Variants in SNAI3 observed in about 807,000 individuals in gnomAD.
SNAI3 encodes the protein zinc finger protein SNAI3.
A neutral mutation model predicts 16.4 loss-of-function variants in SNAI3; 21 were observed. The observed-to-expected ratio is 1.28, with a 90% CI of 0.91 to 1.85. The LOEUF (loss-of-function observed/expected upper bound fraction) is 1.85. Ranked by LOEUF, SNAI3 falls within the 40% of genes most tolerant of loss-of-function variation. The pLI, the probability that SNAI3 is intolerant of heterozygous loss-of-function variation, is 0.00. For synonymous variants in SNAI3, 202 were observed against 166.6 expected (o/e 1.21, Z -1.64); for missense variants, 457 against 372.8 (o/e 1.23, Z -1.86).
chr16:88,684,197 TG>T (rs911992702), intron 1 of SNAI3, among the ~76,000 whole-genome samples: 1 of 152,218 alleles, frequency 6.6e-6, no homozygotes, highest in African/African-American at 2.4e-5. Flanking sequence ...GAGACAGCAC[TG>T]GGGGAGCCCC....
In SNAI3 at chr16:88,681,196, T is replaced by C. The variant is rs1429423570; in HGVS notation, c.595A>G (p.Lys199Glu). 1.2e-6 allele frequency: 2 copies of C among 1,613,688 alleles called. No individual in the cohort carries two copies. Among genetic ancestry groups the C allele is most frequent in the South Asian group, 1.1e-5 (1 of 91,078 alleles). The change falls in exon 2 of 3, where the codon AAG becomes GAG. Residue 199 changes from lysine (K) to glutamate (E), a missense_variant. Lys to Glu is a moderately conservative substitution (Grantham distance 56). Transcript: ENST00000332281. This position sits in a 1 kb window ranked among gnomAD's most constrained non-coding sequence, Gnocchi z 5.4. Reference protein sequence around the residue: ...DKEYTSLGALKMHIRTHTLPC... With the variant: ...DKEYTSLGALEMHIRTHTLPC... Reference sequence around the variant, plus strand: ...AGCGTGTGAGTGCGGATGTGCATCTTGAGGGCACCCAGGCTGGTGTACTCC... The same window carrying C: ...AGCGTGTGAGTGCGGATGTGCATCTCGAGGGCACCCAGGCTGGTGTACTCC...
chr16:88,678,867 G>C (rs954924223), intron 2 of SNAI3: 2 of 985,340 alleles, frequency 2.0e-6, no homozygotes, highest in African/African-American at 3.5e-5. Flanking sequence ...CCCTCCCGGG[G>C]CCCTTGGCCA....
rs374364034 is a variant in SNAI3, at chr16:88,678,645, G to A, written c.698-16C>T. 30 of 1,453,398 alleles carry A rather than the reference G, an allele frequency of 2.1e-5. No homozygotes were observed. The highest frequency in any genetic ancestry group is 2.6e-5 in the Non-Finnish European group (27 of 1,044,510). The allele number at this position is 1,453,398 out of a possible 1,614,324, so 90.0% of individuals were successfully genotyped here. On this transcript the variant is annotated splice_polypyrimidine_tract_variant and intron_variant, in intron 2 of 2. Coordinates refer to ENST00000332281, the MANE Select transcript of SNAI3 (RefSeq NM_178310.4). ...GGCTTCTCCCCTGTGGGAGGAAGGCGGCGGCCAGTGACACCATGGAAGATG... is the reference window on the plus strand; with the variant it reads ...GGCTTCTCCCCTGTGGGAGGAAGGCAGCGGCCAGTGACACCATGGAAGATG...
chr16:88,681,790 G>A lies in SNAI3; in HGVS notation c.77-76C>T, dbSNP rs181794846. 3.8e-3 allele frequency: 5,056 copies of A among 1,323,244 alleles called. 19 individuals carry two copies. Among genetic ancestry groups the A allele is most frequent in the Non-Finnish European group, 4.4e-3 (4,504 of 1,033,484 alleles). The allele number at this position is 1,323,244 out of a possible 1,614,324, so 82.0% of individuals were successfully genotyped here. A position where few individuals can be genotyped will look rare whatever the true frequency, so the allele number is the denominator to read the frequency against. On this transcript the variant is annotated intron_variant, in intron 1 of 2. Coordinates refer to ENST00000332281, the MANE Select transcript of SNAI3 (RefSeq NM_178310.4). The surrounding 1 kb of genome is among the most constrained non-coding windows in gnomAD (Gnocchi z 5.4). ...ACTTTGTGTTTTCCAACTCTGATTCGTGGACCCAGTCACAGCCCATCAGCA... is the reference window on the plus strand; with the variant it reads ...ACTTTGTGTTTTCCAACTCTGATTCATGGACCCAGTCACAGCCCATCAGCA...
chr16:88,679,962 A>T (rs1909108391), intron 2 of SNAI3, among the ~76,000 whole-genome samples: 1 of 150,194 alleles, frequency 6.7e-6, no homozygotes, highest in African/African-American at 2.5e-5. Context: ...ATGTCTGTGG[A>T]CCCAGCTACT....
In SNAI3 at chr16:88,683,638, A is replaced by T. The variant is rs142559883; in HGVS notation, c.77-1924T>A. Among the ~76,000 whole-genome samples, 33 of 143,926 alleles carry T rather than the reference A, an allele frequency of 2.3e-4. No homozygotes were observed. The East Asian group carries it at 5.9e-3, about 26-fold the overall frequency. The allele number at this position is 143,926 out of a possible 152,430, so 94.4% of individuals were successfully genotyped here. ...AATGGCGTGATCTCAGCTCACTGCA[A>T]CCTCCGCCTCCCAGGTTCAAACAAT... On this transcript the variant is annotated intron_variant, in intron 1 of 2. Transcript: ENST00000332281.
chr16:88,678,522 G>A lies in SNAI3; in HGVS notation c.805C>T (p.Arg269Cys), dbSNP rs567896201. The A allele has an allele frequency of 1.9e-5, 15 of 790,038 alleles. No individual in the cohort carries two copies. The highest frequency in any genetic ancestry group is 1.3e-4 in the African/African-American group (8 of 59,452). The allele number at this position is 790,038 out of a possible 1,614,324, so 48.9% of individuals were successfully genotyped here. A position where few individuals can be genotyped will look rare whatever the true frequency, so the allele number is the denominator to read the frequency against. ...HSDAKKYRCRRCTKTFSRMSL... is the reference protein window; with the variant it reads ...HSDAKKYRCRCCTKTFSRMSL... ...ATGCGGGAGAAGGTCTTGGTGCAGC[G>A]CCGGCACCGGTACTTCTTGGCGTCT... Residue 269 changes from arginine (R) to cysteine (C), a missense_variant, in exon 3 of 3, where the codon CGC becomes TGC. Transcript: ENST00000332281.
chr16:88,682,920 G>A (rs191089925), intron 1 of SNAI3, among the ~76,000 whole-genome samples: 9 of 150,236 alleles, frequency 6.0e-5, no homozygotes, highest in South Asian at 4.2e-4. Context: ...GAGTACAGGC[G>A]CCTGCCACCA....
Position 88,686,424 on chromosome 16 carries a change from C to T in SNAI3, c.-18G>A. On this transcript the variant is annotated 5_prime_UTR_variant, in exon 1 of 3. Coordinates refer to ENST00000332281, the MANE Select transcript of SNAI3 (RefSeq NM_178310.4). ...CGCGGCATGTTCCCCTCCCGGGCGG[C>T]AGGCCGGGGTGGGCTGGGGCGGGAG... 6.2e-7 allele frequency: 1 copy of T among 1,607,544 alleles called. No individual in the cohort carries two copies. The highest frequency in any genetic ancestry group is 1.1e-5 in the South Asian group (1 of 90,910).
At chr16:88,679,909 C>G (rs145869602) in intron 2 of SNAI3, among the ~76,000 whole-genome samples, 1 of 151,664 alleles carries the variant, frequency 6.6e-6, no homozygotes. Context: ...GCGAGACCCC[C>G]GTTTCTACAA....
intron 2 of SNAI3, chr16:88,678,988 C>A: frequency 1.0e-6 from 1 of 985,450 alleles, no homozygotes; most frequent in Non-Finnish European, 1.2e-6. Context: ...AGGGGCAGAG[C>A]TGTGGACCTT....
At position 88,681,863 on chromosome 16, in the gene SNAI3, G is replaced by T. The variant is rs1909185893; in HGVS notation, c.77-149C>A. On this transcript the variant is annotated intron_variant, in intron 1 of 2. Transcript: ENST00000332281. This position sits in a 1 kb window ranked among gnomAD's most constrained non-coding sequence, Gnocchi z 5.4. ...GGGAACCTGCATGCAGACCCAGCTT[G>T]CAAGGGAGCTGGCGGTGCTGTGCAG... The T allele has an allele frequency of 1.1e-6, 1 of 925,044 alleles. No homozygotes were observed. The highest frequency in any genetic ancestry group is 1.4e-6 in the Non-Finnish European group (1 of 696,404). 57.3% of individuals were successfully genotyped at this position (925,044 alleles called of 1,614,324 possible).
rs71158747 is a variant in SNAI3 at position 88,682,762 on chromosome 16, ATTTTTTTTTTT to A, written c.77-1059_77-1049del. Among the ~76,000 whole-genome samples the A allele has an allele frequency of 9.1e-4, 55 of 60,704 alleles. 2 individuals are homozygous for A. Among genetic ancestry groups the A allele is most frequent in the South Asian group, 1.9e-3 (2 of 1,076 alleles). The allele number at this position is 60,704 out of a possible 152,430, so 39.8% of individuals were successfully genotyped here. On this transcript the variant is annotated intron_variant, in intron 1 of 2. Coordinates refer to ENST00000332281, the MANE Select transcript of SNAI3 (RefSeq NM_178310.4). ...AATACAATTTTAATATGGGCAAGGG[ATTTTTTTTTTT>A]TTTTTTTTTTTTTTTTTTTAGAGAC...
In SNAI3 at chr16:88,681,522, A is replaced by G. The variant is rs766311927; in HGVS notation, c.269T>C (p.Val90Ala). The G allele has an allele frequency of 6.5e-7, 1 of 1,531,292 alleles. No homozygotes were observed. Among genetic ancestry groups the G allele is most frequent in the Non-Finnish European group, 8.8e-7 (1 of 1,135,734 alleles). 94.9% of individuals were successfully genotyped at this position (1,531,292 alleles called of 1,614,324 possible). Residue 90 changes from valine (V) to alanine (A), a missense_variant, in exon 2 of 3, where the codon GTC (valine) becomes GCC (alanine). By Grantham distance (64) the Val-to-Ala change is moderately conservative (BLOSUM62 0). Transcript: ENST00000332281. The surrounding 1 kb of genome is among the most constrained non-coding windows in gnomAD (Gnocchi z 5.4). ...LGASGLDALEVSEVDPRASRA... is the reference protein window; with the variant it reads ...LGASGLDALEASEVDPRASRA... ...GCTGGCCCGAGGGTCGACCTCGCTG[A>G]CTTCCAAGGCGTCCAGCCCAGAGGC...
intron 1 of SNAI3, among the ~76,000 whole-genome samples, chr16:88,682,646 A>G (rs1327288856): frequency 6.6e-6 from 1 of 152,204 alleles, no homozygotes; most frequent in Non-Finnish European, 1.5e-5. Context: ...ATAGGAGAAA[A>G]TATTTGCAAA....
Position 88,681,416 on chromosome 16 carries a change from G to A in SNAI3, c.375C>T (p.Ser125=). ...PPLLVLPTRW[S]PTLGPDRHGA... ...CGTGCCGGTCTGGGCCCAAGGTCGG[G>A]GACCACCGTGTGGGCAGCACCAGCA... The change falls in exon 2 of 3, where the codon TCC becomes TCT. Residue 125 remains serine, a synonymous_variant. Transcript: ENST00000332281. This position sits in a 1 kb window ranked among gnomAD's most constrained non-coding sequence, Gnocchi z 5.4. 6.2e-7 allele frequency: 1 copy of A among 1,610,242 alleles called. No homozygotes were observed. The highest frequency in any genetic ancestry group is 8.5e-7 in the Non-Finnish European group (1 of 1,177,448).
chr16:88,685,510 C>T (rs1189803037), intron 1 of SNAI3: 1 of 152,292 alleles, frequency 6.6e-6, no homozygotes, highest in African/African-American at 2.4e-5. Flanking sequence ...CTCAGTGGGC[C>T]TTTGTCCCAA....
chr16:88,683,805 C>A (rs1421332906), intron 1 of SNAI3, among the ~76,000 whole-genome samples: 1 of 151,754 alleles, frequency 6.6e-6, no homozygotes, highest in Non-Finnish European at 1.5e-5. Flanking sequence ...GATCTGCCCA[C>A]CTCAGCCTCC....
rs764129840 is a variant in SNAI3, at chr16:88,681,568, G to A, written c.223C>T (p.Arg75Trp). The A allele has an allele frequency of 1.9e-5, 28 of 1,508,486 alleles. No homozygotes were observed. Among genetic ancestry groups the A allele is most frequent in the South Asian group, 5.4e-5 (4 of 74,638 alleles). The allele number at this position is 1,508,486 out of a possible 1,614,324, so 93.4% of individuals were successfully genotyped here. The change falls in exon 2 of 3, where the codon CGG becomes TGG. Residue 75 changes from arginine (R) to tryptophan (W), a missense_variant. Arg to Trp is a moderately radical substitution (Grantham distance 101). Transcript: ENST00000332281. The surrounding 1 kb of genome is among the most constrained non-coding windows in gnomAD (Gnocchi z 5.4). The part of the protein sequence containing the change: ...VACISLPLLP[R>W]IEEALGASGL... ...GAGGCCCCCAGAGCTTCCTCGATCCGTGGCAGGAGGGGCAGGGAGATGCAG... is the reference window on the plus strand; with the variant it reads ...GAGGCCCCCAGAGCTTCCTCGATCCATGGCAGGAGGGGCAGGGAGATGCAG...
Sources: allele counts gnomAD v4.1 joint callset (sites outside exome capture counted in the v4.1 genomes callset), GRCh38; gene constraint gnomAD v4.1.1; non-coding constraint Gnocchi (gnomAD v3.1); transcripts MANE v1.5; gene names NCBI Gene and HGNC (gene_info 2026-07-23, HGNC 2026-07-21).